The following RMND5A variants were observed in gnomAD, a reference collection of about 807,000 sequenced individuals.
RMND5A encodes the protein required for meiotic nuclear division 5 homolog A.
RMND5A carries 17 observed loss-of-function variants against 49.7 expected under a neutral mutation model. That is an observed-to-expected ratio of 0.34 (90% CI 0.23 to 0.51). RMND5A has a LOEUF of 0.51. Among genes scored for constraint, RMND5A ranks in the 20% least tolerant of loss-of-function variants. The pLI is 0.96. For synonymous variants in RMND5A, 156 were observed against 167.7 expected, an observed-to-expected ratio of 0.93 and a Z score of 0.54; for missense variants, 255 against 471.3, an observed-to-expected ratio of 0.54 and a Z score of 4.25.
intron 4 of RMND5A, 95 bp from the exon 5 acceptor site, chr2:86,764,931 AC>A (rs1672564908): frequency 8.2e-7 from 1 of 1,213,654 alleles, no homozygotes; most frequent in African/African-American, 1.5e-5. Context: ...AAGATGGCAG[AC>A]CAAGCCCCTT....
intron 1 of RMND5A, among the ~76,000 whole-genome samples, chr2:86,734,340 TA>T (rs1670345949): frequency 6.7e-6 from 1 of 149,382 alleles, no homozygotes; most frequent in Non-Finnish European, 1.5e-5. Flanking sequence ...AAACTCCAGA[TA>T]TGTAAGTTAC....
chr2:86,757,200 A>G (rs1304461537), intron 4 of RMND5A, among the ~76,000 whole-genome samples: 2 of 113,488 alleles, frequency 1.8e-5, no homozygotes, highest in African/African-American at 6.7e-5. Context: ...AAAAAAAAAA[A>G]AAAAAAAGTG....
chr2:86,728,838 C>G (rs1294793563), intron 1 of RMND5A, among the ~76,000 whole-genome samples: 2 of 115,312 alleles, frequency 1.7e-5, no homozygotes, highest in African/African-American at 3.8e-5. Context: ...ACTGCAACCT[C>G]TGCCTCCCAA....
At chr2:86,767,390 T>C (rs558407966) in intron 6 of RMND5A, among the ~76,000 whole-genome samples, 1 of 151,854 alleles carries the variant, frequency 6.6e-6, no homozygotes, top group Admixed American at 6.6e-5. Flanking sequence ...GGAAGAATCA[T>C]TAACATAGTT....
intron 2 of RMND5A, among the ~76,000 whole-genome samples, chr2:86,746,451 G>T (rs986847438): frequency 2.6e-5 from 4 of 152,142 alleles, no homozygotes; most frequent in Non-Finnish European, 5.9e-5. Flanking sequence ...TACTCATAGA[G>T]GTTTTCATGT....
At position 86,746,271 on chromosome 2, in the gene RMND5A, C is replaced by A. The variant is rs963654063; in HGVS notation, c.285+5202C>A. On this transcript the variant is annotated intron_variant, in intron 2 of 8. Coordinates refer to ENST00000283632, the MANE Select transcript of RMND5A (RefSeq NM_022780.4). ...CTTTTAAATTAATGAATATTAATAT[C>A]TCTGCATGCTTTCGTGTATTTGTTT... Among the ~76,000 whole-genome samples the A allele has an allele frequency of 2.6e-5, 4 of 152,158 alleles. No homozygotes were observed. The East Asian group carries it at 5.8e-4, about 22-fold the overall frequency.
At chr2:86,762,306 A>G (rs1672501320) in intron 4 of RMND5A, among the ~76,000 whole-genome samples, 1 of 152,176 alleles carries the variant, frequency 6.6e-6, no homozygotes. Context: ...TCCCAGAGTC[A>G]TTACTGCTAA....
At chr2:86,753,741 A>G (rs1273196537) in intron 4 of RMND5A, among the ~76,000 whole-genome samples, 183 bp downstream of exon 4, 1 of 152,216 alleles carries the variant, frequency 6.6e-6, no homozygotes, top group Non-Finnish European at 1.5e-5. Context: ...GCAATATGAG[A>G]AAATGGTTGG....
chr2:86,742,311 C>G (rs1212673374), intron 2 of RMND5A, among the ~76,000 whole-genome samples: 1 of 151,960 alleles, frequency 6.6e-6, no homozygotes, highest in Non-Finnish European at 1.5e-5. Flanking sequence ...GGAAGGCAGA[C>G]TCTGGGGAGA....
In RMND5A at chr2:86,726,523, A is replaced by G. The variant is rs1182103627; in HGVS notation, c.142+5714A>G. Among the ~76,000 whole-genome samples, 2 of 73,434 alleles carry G rather than the reference A, an allele frequency of 2.7e-5. 1 individual carries two copies. The highest frequency in any genetic ancestry group is 5.3e-5 in the Non-Finnish European group (2 of 37,388). 48.2% of individuals were successfully genotyped at this position (73,434 alleles called of 152,430 possible). On this transcript the variant is annotated intron_variant, in intron 1 of 8. Coordinates refer to ENST00000283632, the MANE Select transcript of RMND5A (RefSeq NM_022780.4). ...AAAATAGTATATCAGTAGGTCATAAATAAAAGTTTGGGAGGACATTGTTCA... is the reference window on the plus strand; with the variant it reads ...AAAATAGTATATCAGTAGGTCATAAGTAAAAGTTTGGGAGGACATTGTTCA...
Position 86,773,648 on chromosome 2 carries a change from GTTGTCATTCAATGCAGGTTT to G in RMND5A, c.*242_*261del. 3.0e-6 allele frequency: 1 copy of G among 338,006 alleles called. No homozygotes were observed. The highest frequency in any genetic ancestry group is 5.3e-6 in the Non-Finnish European group (1 of 187,416). The allele number at this position is 338,006 out of a possible 1,614,324, so 20.9% of individuals were successfully genotyped here. ...TTCTGATCAAGTAAATACACCAGCA[GTTGTCATTCAATGCAGGTTT>G]TTGTACTTAATTATATGGTGATTTT... On this transcript the variant is annotated 3_prime_UTR_variant, in exon 9 of 9. Transcript: ENST00000283632.
intron 4 of RMND5A, among the ~76,000 whole-genome samples, chr2:86,754,821 A>G (rs1275162558): frequency 6.6e-6 from 1 of 152,120 alleles, no homozygotes; most frequent in Non-Finnish European, 1.5e-5. Context: ...TCGGCTTCCC[A>G]AAGTGCTGGA....
chr2:86,744,134 A>T (rs1681497334), intron 2 of RMND5A, among the ~76,000 whole-genome samples: 1 of 152,090 alleles, frequency 6.6e-6, no homozygotes, highest in Non-Finnish European at 1.5e-5. Flanking sequence ...TATTTTTGGC[A>T]TCTACTTGGC....
At chr2:86,761,295 A>C (rs1672484136) in intron 4 of RMND5A, among the ~76,000 whole-genome samples, 1 of 152,242 alleles carries the variant, frequency 6.6e-6, no homozygotes, top group Non-Finnish European at 1.5e-5. Flanking sequence ...ATAGTGAAGA[A>C]TAGTGAATAG....
chr2:86,728,373 G>A (rs1681302963), intron 1 of RMND5A, among the ~76,000 whole-genome samples: 1 of 69,782 alleles, frequency 1.4e-5, no homozygotes, highest in African/African-American at 5.5e-5. Context: ...GTGCAGTGGT[G>A]TGTGATCTCA....
chr2:86,732,745 A>G (rs1681354893), intron 1 of RMND5A, among the ~76,000 whole-genome samples: 1 of 138,702 alleles, frequency 7.2e-6, no homozygotes, highest in Non-Finnish European at 1.5e-5. Context: ...TGTAAAAAAG[A>G]AACTGTCTCA....
chr2:86,761,271 G>A (rs1672483845), intron 4 of RMND5A, among the ~76,000 whole-genome samples: 1 of 152,174 alleles, frequency 6.6e-6, no homozygotes, highest in Admixed American at 6.5e-5. Flanking sequence ...CCAGAGCTTA[G>A]CAAGAGGCAT....
At chr2:86,764,602 T>G (rs978887623) in intron 4 of RMND5A, among the ~76,000 whole-genome samples, 8 of 152,254 alleles carry the variant, frequency 5.3e-5, no homozygotes, top group African/African-American at 1.9e-4. Context: ...GAACAAAATC[T>G]TGCAACTATT....
intron 2 of RMND5A, among the ~76,000 whole-genome samples, chr2:86,745,748 A>T (rs1681525540): frequency 6.6e-6 from 1 of 152,230 alleles, no homozygotes; most frequent in African/African-American, 2.4e-5. Context: ...TAAGTGCTTT[A>T]CATACATTTA....
Sources: gnomAD v4.1 joint callset for allele counts (sites outside exome capture counted in the v4.1 genomes callset) on GRCh38, gnomAD v4.1.1 for gene constraint, MANE v1.5 for transcripts, NCBI Gene and HGNC (gene_info 2026-07-23, HGNC 2026-07-21) for gene names.